BBS9: variants seen among roughly 807,000 people sequenced by gnomAD.
The protein encoded by BBS9 is protein PTHB1.
In BBS9, 89 loss-of-function variants were observed where a neutral mutation model predicts 117.7. The observed-to-expected ratio is 0.76, with a 90% CI of 0.64 to 0.90. BBS9 has a LOEUF of 0.90. Among genes scored for constraint, BBS9 ranks in the 40% least tolerant of loss-of-function variants. The pLI, the probability that BBS9 is intolerant of heterozygous loss-of-function variation, is 0.00. For missense variants in BBS9, 982 were observed against 1,042.2 expected (o/e 0.94, Z 0.80); for synonymous variants, 379 against 370.9 (o/e 1.02, Z -0.25).
chr7:33,288,146 A>G (rs1002485385), intron 9 of BBS9, among the ~76,000 whole-genome samples: 4 of 152,184 alleles, frequency 2.6e-5, no homozygotes, highest in African/African-American at 9.6e-5. Context: ...GAGCTACCAG[A>G]AATTCGTGCC....
At chr7:33,428,140 T>C (rs929100721) in intron 19 of BBS9, among the ~76,000 whole-genome samples, 2 of 152,144 alleles carry the variant, frequency 1.3e-5, no homozygotes, top group African/African-American at 4.8e-5. Flanking sequence ...TATTAATAAT[T>C]GCACCAGAAC....
intron 4 of BBS9, among the ~76,000 whole-genome samples, chr7:33,176,872 T>A (rs1292834160): frequency 6.6e-6 from 1 of 152,214 alleles, no homozygotes; most frequent in Non-Finnish European, 1.5e-5. Context: ...TGGAAAGAAC[T>A]AGAAAGTGAA....
At chr7:33,398,049 T>A (rs1319501300) in intron 19 of BBS9, among the ~76,000 whole-genome samples, 2 of 152,158 alleles carry the variant, frequency 1.3e-5, no homozygotes, top group East Asian at 3.8e-4. Context: ...CAAAGCAATG[T>A]GAATGCATTA....
intron 19 of BBS9, among the ~76,000 whole-genome samples, chr7:33,492,214 CAAAA>C (rs767399661): frequency 9.0e-6 from 1 of 110,622 alleles, no homozygotes; most frequent in Admixed American, 9.7e-5. Context: ...AAAAAAAAAA[CAAAA>C]AAAAAACAAA....
intron 21 of BBS9, among the ~76,000 whole-genome samples, chr7:33,539,852 C>T (rs1453444286): frequency 1.3e-5 from 2 of 152,242 alleles, no homozygotes; most frequent in Non-Finnish European, 2.9e-5. Flanking sequence ...TAGTTTTCCT[C>T]TGCAGCCAAT....
chr7:33,233,343 C>A (rs1019820172), intron 5 of BBS9, among the ~76,000 whole-genome samples: 1 of 152,000 alleles, frequency 6.6e-6, no homozygotes, highest in Non-Finnish European at 1.5e-5. Flanking sequence ...CACAAGGTCA[C>A]AAAAAGTTTT....
chr7:33,542,731 GTA>G lies in BBS9; in HGVS notation c.2521+8559_2521+8560del, dbSNP rs1222092335. ...TGTGTGTGTGTGTGTGTGTGTGTGT[GTA>G]TATGTGTGTGTATATATATATACAC... is the stretch of plus-strand genomic sequence containing the variant. On this transcript the variant is annotated intron_variant, in intron 21 of 22. Coordinates refer to ENST00000242067, the MANE Select transcript of BBS9 (RefSeq NM_198428.3). Among the ~76,000 whole-genome samples the G allele has an allele frequency of 3.7e-4, 53 of 144,172 alleles. 1 individual carries two copies. Among genetic ancestry groups the G allele is most frequent in the African/African-American group, 2.9e-4 (11 of 37,408 alleles). 94.6% of individuals were successfully genotyped at this position (144,172 alleles called of 152,430 possible).
chr7:33,464,976 C>T (rs1839958371), intron 19 of BBS9, among the ~76,000 whole-genome samples: 1 of 151,974 alleles, frequency 6.6e-6, no homozygotes, highest in South Asian at 2.1e-4. Context: ...CAGACGCGTG[C>T]CACCATCATT....
rs1237680939 is a variant in BBS9 at position 33,152,757 on chromosome 7, G to A, written c.169G>A (p.Ala57Thr). Reference protein sequence around the residue: ...GYLRIFSPHPAKTGDGAQAED... With the variant: ...GYLRIFSPHPTKTGDGAQAED... Reference sequence around the variant, plus strand: ...CCTAAGGATCTTTAGCCCCCATCCTGCAAAAACAGGAGATGGAGCTCAAGC... The same window carrying A: ...CCTAAGGATCTTTAGCCCCCATCCTACAAAAACAGGAGATGGAGCTCAAGC... Residue 57 changes from alanine to threonine, a missense_variant, in exon 3 of 23, where the codon GCA becomes ACA. Coordinates refer to ENST00000242067, the MANE Select transcript of BBS9 (RefSeq NM_198428.3). 6.2e-7 allele frequency: 1 copy of A among 1,613,196 alleles called. No homozygotes were observed. Among genetic ancestry groups the A allele is most frequent in the Non-Finnish European group, 8.5e-7 (1 of 1,179,798 alleles).
chr7:33,403,340 G>A (rs1021130222), intron 19 of BBS9, among the ~76,000 whole-genome samples: 10 of 143,988 alleles, frequency 6.9e-5, no homozygotes, highest in South Asian at 4.5e-4. Context: ...TATACTTTAA[G>A]TTTTAGGGTA....
chr7:33,603,114 C>A (rs1864050634), intron 21 of BBS9, among the ~76,000 whole-genome samples: 1 of 152,176 alleles, frequency 6.6e-6, no homozygotes, highest in Admixed American at 6.5e-5. Flanking sequence ...ATCAAACTCG[C>A]TCTCATCTGT....
chr7:33,252,809 G>T (rs115726636), intron 5 of BBS9, among the ~76,000 whole-genome samples: 2,422 of 151,862 alleles, frequency 0.016, 68 homozygotes, highest in African/African-American at 0.056. Context: ...TATCTTAATA[G>T]AAAATATATC....
At chr7:33,306,129 C>G (rs1259563722) in intron 9 of BBS9, among the ~76,000 whole-genome samples, 1 of 151,906 alleles carries the variant, frequency 6.6e-6, no homozygotes, top group Non-Finnish European at 1.5e-5. Flanking sequence ...TTTTCAGTTT[C>G]CTTCTTAATT....
At chr7:33,430,773 C>T (rs572162322) in intron 19 of BBS9, among the ~76,000 whole-genome samples, 1 of 152,278 alleles carries the variant, frequency 6.6e-6, no homozygotes, top group African/African-American at 2.4e-5. Flanking sequence ...GTGTTTCGAT[C>T]ATAAGAAATA....
intron 10 of BBS9, among the ~76,000 whole-genome samples, chr7:33,337,740 T>C (rs1815676456): frequency 6.6e-6 from 1 of 152,106 alleles, no homozygotes; most frequent in South Asian, 2.1e-4. Flanking sequence ...TAATTTTTTG[T>C]TTCAATTTTT....
At chr7:33,130,528 G>T (rs1219987182) in intron 1 of BBS9, among the ~76,000 whole-genome samples, 1 of 152,026 alleles carries the variant, frequency 6.6e-6, no homozygotes, top group Non-Finnish European at 1.5e-5. Context: ...GTATTTTTTT[G>T]GGTATCTCAC....
intron 21 of BBS9, among the ~76,000 whole-genome samples, chr7:33,553,755 AAGTT>A (rs1310998589): frequency 1.3e-5 from 2 of 152,172 alleles, no homozygotes; most frequent in Non-Finnish European, 2.9e-5. Flanking sequence ...CAATTTTTAA[AAGTT>A]TAACAGATTT....
intron 9 of BBS9, among the ~76,000 whole-genome samples, chr7:33,310,129 AC>A: frequency 6.6e-6 from 1 of 152,174 alleles, no homozygotes; most frequent in East Asian, 1.9e-4. Flanking sequence ...CTCCTCAATC[AC>A]CCCACAAAAT....
At chr7:33,321,120 G>T (rs1396078021) in intron 9 of BBS9, among the ~76,000 whole-genome samples, 1 of 152,078 alleles carries the variant, frequency 6.6e-6, no homozygotes, top group Non-Finnish European at 1.5e-5. Flanking sequence ...CCAGTACCAT[G>T]CTGTTTTGGT....
Sources: allele counts gnomAD v4.1 joint callset (sites outside exome capture counted in the v4.1 genomes callset), GRCh38; gene constraint gnomAD v4.1.1; transcripts MANE v1.5; gene names NCBI Gene and HGNC (gene_info 2026-07-23, HGNC 2026-07-21).